PCDHA4: variants seen among roughly 807,000 people sequenced by gnomAD.
The protein encoded by PCDHA4 is protocadherin alpha-4.
PCDHA4 carries 49 observed loss-of-function variants against 61.4 expected under a neutral mutation model. That is an observed-to-expected ratio of 0.80 (90% CI 0.63 to 1.01). The LOEUF (loss-of-function observed/expected upper bound fraction) is 1.01, where lower values mean the gene tolerates loss of function less well. Ranked by LOEUF, PCDHA4 falls within the 50% of genes least tolerant of loss-of-function variation. PCDHA4 has a pLI of 0.00. For synonymous variants in PCDHA4, 590 were observed against 550.3 expected (o/e 1.07, Z -1.01); for missense variants, 1,254 against 1,235.8 (o/e 1.01, Z -0.22).
Position 140,809,232 on chromosome 5 carries a change from C to A in PCDHA4, c.2045C>A (p.Ala682Glu). 4 of 1,614,062 alleles carry A rather than the reference C, an allele frequency of 2.5e-6. No homozygotes were observed. Among genetic ancestry groups the A allele is most frequent in the Non-Finnish European group, 3.4e-6 (4 of 1,179,962 alleles). Reference protein sequence around the residue: ...SGQAPKASSRALVGAVGPDAA... With the variant: ...SGQAPKASSRELVGAVGPDAA... ...CAGGCGCCAAAGGCCTCCTCACGGG[C>A]GTTGGTGGGCGCTGTGGGTCCCGAT... Residue 682 changes from alanine to glutamate, a missense_variant, in exon 1 of 4, where the codon GCG (alanine) becomes GAG (glutamate). Ala to Glu is a moderately radical substitution (Grantham distance 107). Transcript: ENST00000530339.
chr5:140,969,047 A>C, intron 1 of PCDHA4: 1 of 1,614,152 alleles, frequency 6.2e-7, no homozygotes, highest in Non-Finnish European at 8.5e-7. Flanking sequence ...CAAACAAGCC[A>C]ACAACAATAT....
chr5:140,852,628 G>A, intron 1 of PCDHA4: 1 of 953,102 alleles, frequency 1.0e-6, no homozygotes, highest in Non-Finnish European at 1.3e-6. Context: ...TGGTCTCTGA[G>A]CTCCTGTCAT....
intron 1 of PCDHA4, chr5:140,857,783 C>G: frequency 1.3e-6 from 2 of 1,597,710 alleles, no homozygotes; most frequent in Middle Eastern, 1.7e-4. Flanking sequence ...AGTCAGTGAG[C>G]TGGTGCTGCG....
intron 1 of PCDHA4, chr5:140,966,278 T>TGG (rs1173319352): frequency 3.6e-5 from 13 of 363,192 alleles, no homozygotes; most frequent in Admixed American, 2.8e-4. Context: ...AACTGGACAG[T>TGG]GGGGGTAGGG....
intron 1 of PCDHA4, among the ~76,000 whole-genome samples, chr5:140,924,446 G>A (rs1554201951): frequency 6.6e-6 from 1 of 152,110 alleles, no homozygotes; most frequent in African/African-American, 2.4e-5. Context: ...ATAACGAATG[G>A]GTTTGTGTGT....
At chr5:140,903,585 T>C (rs928775971) in intron 1 of PCDHA4, among the ~76,000 whole-genome samples, 2 of 152,224 alleles carry the variant, frequency 1.3e-5, no homozygotes, top group Non-Finnish European at 2.9e-5. Context: ...TAGCTGGTGT[T>C]GGCCTGATAA....
At chr5:140,830,267 C>G in intron 1 of PCDHA4, 1 of 1,613,636 alleles carries the variant, frequency 6.2e-7, no homozygotes, top group Non-Finnish European at 8.5e-7. Context: ...GTGCTCGGCG[C>G]CACCCACCGA....
intron 1 of PCDHA4, chr5:140,841,784 G>A (rs1777488668): frequency 6.2e-7 from 1 of 1,613,812 alleles, no homozygotes; most frequent in African/African-American, 1.3e-5. Context: ...GTTTCCGCTA[G>A]AGGGCGCGTC....
intron 1 of PCDHA4, 121 bp downstream of exon 1, chr5:140,809,693 C>T: frequency 1.7e-6 from 2 of 1,199,102 alleles, no homozygotes; most frequent in Non-Finnish European, 2.3e-6. Flanking sequence ...TTTACATATC[C>T]ATTTTAACTA....
intron 1 of PCDHA4, chr5:140,850,636 C>G (rs782210334): frequency 1.9e-6 from 3 of 1,598,538 alleles, no homozygotes; most frequent in Non-Finnish European, 2.6e-6. Context: ...TTGGTTCTCA[C>G]GCTGCTGCTG....
At chr5:140,959,269 C>A (rs1334380683) in intron 1 of PCDHA4, among the ~76,000 whole-genome samples, 1 of 151,924 alleles carries the variant, frequency 6.6e-6, no homozygotes, top group Non-Finnish European at 1.5e-5. Flanking sequence ...CCCAGCTACC[C>A]AGGAGCCTGA....
intron 1 of PCDHA4, chr5:140,870,864 C>A (rs782241816): frequency 5.6e-6 from 9 of 1,613,934 alleles, no homozygotes; most frequent in Non-Finnish European, 7.6e-6. Context: ...TGGGTGCGGG[C>A]CACGTGGTGG....
rs782413772 is a variant in PCDHA4, at chr5:140,809,173, G to A, written c.1986G>A (p.Thr662=). The part of the protein sequence containing the change: ...KDHGEPALTA[T]ATVLVSLVES... ...ACGGCGAGCCCGCGCTGACGGCCAC[G>A]GCCACTGTGCTGGTGTCACTTGTGG... Residue 662 remains threonine (T), a synonymous_variant, in exon 1 of 4, where the codon ACG becomes ACA. Coordinates refer to ENST00000530339, the MANE Select transcript of PCDHA4 (RefSeq NM_018907.4). 4.3e-6 allele frequency: 7 copies of A among 1,613,974 alleles called. No homozygotes were observed. In the South Asian group the frequency reaches 6.6e-5, roughly 15 times the overall value.
chr5:140,880,645 C>T (rs535367313), intron 1 of PCDHA4, among the ~76,000 whole-genome samples: 5 of 152,148 alleles, frequency 3.3e-5, no homozygotes, highest in Admixed American at 3.3e-4. Flanking sequence ...CACTTGAGAG[C>T]CCAACTGAGG....
At chr5:140,989,296 G>A (rs1587341853) in intron 3 of PCDHA4, among the ~76,000 whole-genome samples, 1 of 152,128 alleles carries the variant, frequency 6.6e-6, no homozygotes, top group South Asian at 2.1e-4. Context: ...TGTCACAAAG[G>A]GCCAAGGAAG....
chr5:140,836,991 C>T, intron 1 of PCDHA4: 3 of 347,628 alleles, frequency 8.6e-6, no homozygotes, highest in African/African-American at 2.1e-5. Context: ...GAGGACTTTG[C>T]TAACTGGAGC....
At chr5:140,945,705 A>G (rs868920609) in intron 1 of PCDHA4, among the ~76,000 whole-genome samples, 5 of 152,154 alleles carry the variant, frequency 3.3e-5, no homozygotes, top group South Asian at 2.1e-4. Flanking sequence ...GATTTGCAAC[A>G]AAAGTATCAA....
intron 1 of PCDHA4, chr5:140,863,783 G>A: frequency 4.4e-6 from 1 of 226,522 alleles, no homozygotes; most frequent in South Asian, 6.5e-5. Flanking sequence ...CGGATCACTC[G>A]AGGCCAGGAG....
rs375103611 is a variant in PCDHA4 at position 140,888,367 on chromosome 5, A to G, written c.2385+78795A>G. ...AGGGAATTGCTACTGGCATCTAATAATGGAGCTCTGAGATGCTGCTAAACA... is the reference window on the plus strand; with the variant it reads ...AGGGAATTGCTACTGGCATCTAATAGTGGAGCTCTGAGATGCTGCTAAACA... On this transcript the variant is annotated intron_variant, in intron 1 of 3. Coordinates refer to ENST00000530339, the MANE Select transcript of PCDHA4 (RefSeq NM_018907.4). 3.2e-4 allele frequency among the ~76,000 whole-genome samples: 49 copies of G among 152,322 alleles called. 1 individual carries two copies. In the East Asian group the frequency reaches 7.7e-3, roughly 24 times the overall value.
Sources: allele counts gnomAD v4.1 joint callset (sites outside exome capture counted in the v4.1 genomes callset), GRCh38; gene constraint gnomAD v4.1.1; transcripts MANE v1.5; gene names NCBI Gene and HGNC (gene_info 2026-07-23, HGNC 2026-07-21).